EVA1C: variants seen among roughly 807,000 people sequenced by gnomAD.
EVA1C encodes eva-1 homolog C, also known as protein eva-1 homolog C.
EVA1C carries 25 observed loss-of-function variants against 45.4 expected under a neutral mutation model. The ratio of observed to expected loss-of-function variants is 0.55; its 90% confidence interval spans 0.40 to 0.77. The LOEUF (loss-of-function observed/expected upper bound fraction) is 0.77, where lower values mean the gene tolerates loss of function less well. Among genes scored for constraint, EVA1C ranks in the 30% least tolerant of loss-of-function variants. The pLI is 0.00. For synonymous variants in EVA1C, 190 were observed against 221.2 expected, an observed-to-expected ratio of 0.86 and a Z score of 1.25; for missense variants, 479 against 554.8, an observed-to-expected ratio of 0.86 and a Z score of 1.37.
intron 7 of EVA1C, among the ~76,000 whole-genome samples, chr21:32,513,127 G>A (rs1011948239): frequency 6.7e-6 from 1 of 148,876 alleles, no homozygotes; most frequent in Middle Eastern, 3.6e-3. Context: ...TACTTACAAT[G>A]ATATAATATC....
At chr21:32,412,547 G>C (rs2146079177), upstream of EVA1C, 1 of 295,468 alleles carries the variant, frequency 3.4e-6, no homozygotes, top group South Asian at 1.3e-4. Context: ...GCGCGCGAAG[G>C]CTGCGCTTTC....
intron 4 of EVA1C, among the ~76,000 whole-genome samples, chr21:32,471,990 CAT>C (rs760351835): frequency 5.3e-5 from 8 of 152,090 alleles, no homozygotes; most frequent in South Asian, 2.1e-4. Flanking sequence ...AACTTAGCCA[CAT>C]GTGTTTTAAG....
intron 1 of EVA1C, among the ~76,000 whole-genome samples, chr21:32,415,223 C>A (rs549323914): frequency 6.6e-6 from 1 of 152,292 alleles, no homozygotes; most frequent in East Asian, 1.9e-4. Flanking sequence ...TGGAAGGAGA[C>A]AGTGGATCCT....
intron 5 of EVA1C, chr21:32,497,287 A>G (rs1476439261): frequency 1.4e-6 from 1 of 696,836 alleles, no homozygotes; most frequent in Non-Finnish European, 2.6e-6. Flanking sequence ...AAAGAAAACA[A>G]ATCTCCAGAT....
intron 7 of EVA1C, 126 bp from the exon 8 acceptor site, chr21:32,514,688 C>A (rs2038078996): frequency 3.4e-6 from 4 of 1,161,522 alleles, no homozygotes; most frequent in African/African-American, 3.1e-5. Flanking sequence ...TAGACAGTCT[C>A]AAAGATGCTG....
intron 1 of EVA1C, among the ~76,000 whole-genome samples, chr21:32,443,370 C>A (rs2035250277): frequency 6.6e-6 from 1 of 152,036 alleles, no homozygotes; most frequent in African/African-American, 2.4e-5. Flanking sequence ...CCTGCCTCTA[C>A]TAAAAATACA....
chr21:32,490,235 T>C (rs2037111350), intron 4 of EVA1C, among the ~76,000 whole-genome samples: 1 of 152,094 alleles, frequency 6.6e-6, no homozygotes, highest in African/African-American at 2.4e-5. Flanking sequence ...TCCCCATTGC[T>C]CCCTCCCTTA....
At chr21:32,495,268 A>T in intron 5 of EVA1C, 98 bp downstream of exon 5, 1 of 1,273,534 alleles carries the variant, frequency 7.9e-7, no homozygotes, top group South Asian at 1.4e-5. Context: ...GAACAAGCCA[A>T]ACACTGCTCC....
chr21:32,501,735 C>T (rs1238691009), intron 6 of EVA1C, among the ~76,000 whole-genome samples: 3 of 152,080 alleles, frequency 2.0e-5, no homozygotes, highest in Non-Finnish European at 4.4e-5. Flanking sequence ...CTTCATTCTC[C>T]TCTCACTTCC....
intron 1 of EVA1C, among the ~76,000 whole-genome samples, chr21:32,442,346 G>A (rs977977457): frequency 9.9e-5 from 15 of 152,034 alleles, no homozygotes; most frequent in African/African-American, 3.1e-4. Context: ...TCACACCTGG[G>A]ACTAGAGGAA....
At chr21:32,417,567 T>C (rs939970011) in intron 1 of EVA1C, among the ~76,000 whole-genome samples, 3 of 152,200 alleles carry the variant, frequency 2.0e-5, no homozygotes, top group African/African-American at 7.2e-5. Context: ...TTTAGTGGGA[T>C]GCAGTTCAGC....
chr21:32,435,963 T>C (rs946174697), intron 1 of EVA1C, among the ~76,000 whole-genome samples: 15 of 152,286 alleles, frequency 9.8e-5, no homozygotes, highest in African/African-American at 3.6e-4. Context: ...ATCACAGAAA[T>C]GACATAATTT....
At chr21:32,499,755 T>C (rs1466946966) in intron 5 of EVA1C, among the ~76,000 whole-genome samples, 1 of 152,230 alleles carries the variant, frequency 6.6e-6, no homozygotes, top group Non-Finnish European at 1.5e-5. Context: ...TAAGCAATTT[T>C]ATGCAGCAGG....
At chr21:32,489,952 C>T (rs1054586536) in intron 4 of EVA1C, among the ~76,000 whole-genome samples, 1 of 152,088 alleles carries the variant, frequency 6.6e-6, no homozygotes, top group Non-Finnish European at 1.5e-5. Flanking sequence ...CAGGCGTGTG[C>T]CACCGCGCCT....
chr21:32,503,578 G>C (rs956343354), intron 6 of EVA1C, among the ~76,000 whole-genome samples: 6 of 116,788 alleles, frequency 5.1e-5, no homozygotes, highest in African/African-American at 2.3e-4. Flanking sequence ...AATAAAGCGA[G>C]ATATTATTAA....
Position 32,515,385 on chromosome 21 carries a change from G to T in EVA1C, c.*195G>T. On this transcript the variant is annotated 3_prime_UTR_variant, in exon 8 of 8. Transcript: ENST00000300255. ...TTCCAAAATAAATGAGGAGGGAAGAGTCTTTGTTTTCTGTATTTCTTTGAA... is the reference window on the plus strand; with the variant it reads ...TTCCAAAATAAATGAGGAGGGAAGATTCTTTGTTTTCTGTATTTCTTTGAA... 2 of 459,542 alleles carry T rather than the reference G, an allele frequency of 4.4e-6. No homozygotes were observed. The highest frequency in any genetic ancestry group is 2.0e-5 in the African/African-American group (1 of 51,252). 28.5% of individuals were successfully genotyped at this position (459,542 alleles called of 1,614,324 possible).
Position 32,440,564 on chromosome 21 carries a change from C to T in EVA1C, c.161-12748C>T, listed in dbSNP as rs558187531. 3.8e-4 allele frequency among the ~76,000 whole-genome samples: 58 copies of T among 152,212 alleles called. 1 individual carries two copies. The South Asian group carries it at 8.5e-3, about 22-fold the overall frequency. On this transcript the variant is annotated intron_variant, in intron 1 of 7. Transcript: ENST00000300255. The stretch of plus-strand genomic sequence containing the variant: ...TCTAAGGATTGTAATACAAGACCAA[C>T]GCAGCACATTTAGAGTAACTTTTTA...
chr21:32,440,015 G>A (rs559209653), intron 1 of EVA1C, among the ~76,000 whole-genome samples: 1 of 151,762 alleles, frequency 6.6e-6, no homozygotes, highest in South Asian at 2.1e-4. Flanking sequence ...AAAGTGGGCA[G>A]AGTTGAAAGG....
intron 1 of EVA1C, among the ~76,000 whole-genome samples, chr21:32,433,523 T>C (rs2833825): frequency 0.5 from 71,048 of 143,124 alleles, 17,150 homozygotes; most frequent in African/African-American, 0.69. Context: ...TACCTTCACC[T>C]GGGCTGCTAA....
Sources: gnomAD v4.1 joint callset for allele counts (sites outside exome capture counted in the v4.1 genomes callset) on GRCh38, gnomAD v4.1.1 for gene constraint, MANE v1.5 for transcripts, NCBI Gene and HGNC (gene_info 2026-07-23, HGNC 2026-07-21) for gene names.